The following NRG1 variants were observed in gnomAD, a reference collection of about 807,000 sequenced individuals.
The protein encoded by NRG1 is neuregulin 1.
Under a neutral mutation model 63.8 loss-of-function variants are expected in NRG1, and 18 were observed. The ratio of observed to expected loss-of-function variants is 0.28; its 90% CI spans 0.19 to 0.42. The LOEUF is 0.42. Ranked by LOEUF, NRG1 falls within the 10% of genes least tolerant of loss-of-function variation. The probability of loss-of-function intolerance (pLI) is 1.00; values close to 1 mark genes in which losing one functional copy is unlikely to be tolerated. For synonymous variants in NRG1, 302 were observed against 301.3 expected (o/e 1.00, Z -0.02); for missense variants, 762 against 814.7 (o/e 0.94, Z 0.79).
chr8:32,361,039 C>T (rs558480647), intron 1 of NRG1, among the ~76,000 whole-genome samples: 63 of 152,242 alleles, frequency 4.1e-4, no homozygotes, highest in African/African-American at 1.3e-3. Context: ...CTTGGCTGTC[C>T]GAACTTCAAT....
chr8:32,743,076 A>G (rs1826722156), intron 7 of NRG1: 15 of 1,093,202 alleles, frequency 1.4e-5, no homozygotes, highest in Non-Finnish European at 1.5e-5. Context: ...TAAAATAAAA[A>G]TCATTCTACT....
chr8:32,082,590 A>G (rs1827638115), intron 1 of NRG1, among the ~76,000 whole-genome samples: 1 of 152,164 alleles, frequency 6.6e-6, no homozygotes, highest in Admixed American at 6.6e-5. Context: ...GTTCAAGAAC[A>G]ACAGAAGAGT....
chr8:32,391,162 A>G (rs531971738), intron 1 of NRG1, among the ~76,000 whole-genome samples: 1 of 152,008 alleles, frequency 6.6e-6, no homozygotes, highest in Non-Finnish European at 1.5e-5. Context: ...ACAGGGTCTC[A>G]CTTTGTTGCC....
chr8:32,267,763 G>A (rs1171978945), intron 1 of NRG1, among the ~76,000 whole-genome samples: 1 of 152,072 alleles, frequency 6.6e-6, no homozygotes, highest in Non-Finnish European at 1.5e-5. Flanking sequence ...CTCCTAAAAT[G>A]GAGCTGATGT....
In NRG1 at chr8:32,329,261, G is replaced by A. The variant is rs942324095; in HGVS notation, c.38-266567G>A. On this transcript the variant is annotated intron_variant, in intron 1 of 10. Transcript: ENST00000519301. ...TGGGATTACAGGTGTGAGCCACTGCGCCCAGCTGACATCTACAGATTATCA... is the reference window on the plus strand; with the variant it reads ...TGGGATTACAGGTGTGAGCCACTGCACCCAGCTGACATCTACAGATTATCA... Among the ~76,000 whole-genome samples the A allele has an allele frequency of 5.3e-5, 8 of 152,052 alleles. No homozygotes were observed. In the South Asian group the frequency reaches 6.2e-4, roughly 12 times the overall value.
At chr8:31,894,295 G>A (rs897254617) in intron 1 of NRG1, among the ~76,000 whole-genome samples, 1 of 152,008 alleles carries the variant, frequency 6.6e-6, no homozygotes, top group African/African-American at 2.4e-5. Context: ...TCTTAATAAC[G>A]GTGAAAGTCA....
intron 1 of NRG1, among the ~76,000 whole-genome samples, chr8:31,973,899 A>T (rs1807719801): frequency 6.6e-6 from 1 of 152,194 alleles, no homozygotes. Flanking sequence ...AAGCTATGAA[A>T]GAGCTTTGAA....
At chr8:32,574,341 T>C (rs2919373) in intron 1 of NRG1, among the ~76,000 whole-genome samples, 113,814 of 151,922 alleles carry the variant, frequency 0.75, 43,212 homozygotes, top group East Asian at 0.88. Flanking sequence ...TTCAAAAGGC[T>C]TTTAATAAAC....
intron 1 of NRG1, among the ~76,000 whole-genome samples, chr8:32,100,126 C>T (rs1563786244): frequency 6.6e-6 from 1 of 152,032 alleles, no homozygotes; most frequent in African/African-American, 2.4e-5. Context: ...CTCTTTTCCT[C>T]CTTCCCTCTG....
At chr8:32,214,745 GAAAAC>G in intron 1 of NRG1, among the ~76,000 whole-genome samples, 1 of 152,206 alleles carries the variant, frequency 6.6e-6, no homozygotes, top group Non-Finnish European at 1.5e-5. Context: ...TTCAATTAAA[GAAAAC>G]AAAACAAACC....
intron 1 of NRG1, among the ~76,000 whole-genome samples, chr8:32,413,362 C>T (rs1246521277): frequency 6.6e-6 from 1 of 152,112 alleles, no homozygotes; most frequent in African/African-American, 2.4e-5. Flanking sequence ...AGGCCTGTTA[C>T]AAGCCTGAGG....
At chr8:31,795,556 A>G (rs1821123203) in intron 1 of NRG1, among the ~76,000 whole-genome samples, 1 of 152,200 alleles carries the variant, frequency 6.6e-6, no homozygotes, top group Non-Finnish European at 1.5e-5. Context: ...ACCTTCAAAC[A>G]TTTTAAAACC....
At chr8:32,358,808 A>G (rs1563356921) in intron 1 of NRG1, among the ~76,000 whole-genome samples, 1 of 152,172 alleles carries the variant, frequency 6.6e-6, no homozygotes. Flanking sequence ...GAGAGGGCCA[A>G]AGACAGAACC....
At chr8:31,843,140 T>C (rs1826353185) in intron 1 of NRG1, among the ~76,000 whole-genome samples, 1 of 152,152 alleles carries the variant, frequency 6.6e-6, no homozygotes, top group Non-Finnish European at 1.5e-5. Flanking sequence ...ACCTTTTATA[T>C]TGAATTTCAG....
rs138670503 is a variant in NRG1, at chr8:32,049,775, A to T, written c.37+410344A>T. Among the ~76,000 whole-genome samples the T allele has an allele frequency of 6.8e-3, 1,042 of 152,262 alleles. 8 individuals carry two copies. Among genetic ancestry groups the T allele is most frequent in the Non-Finnish European group, 0.011 (729 of 68,012 alleles). ...AATGAAAGGGAAGATGATGATTTTCAATGTAGGTCATGGCCTGAAGTGGAG... is the reference window on the plus strand; with the variant it reads ...AATGAAAGGGAAGATGATGATTTTCTATGTAGGTCATGGCCTGAAGTGGAG... On this transcript the variant is annotated intron_variant, in intron 1 of 10. Coordinates refer to the NRG1 transcript ENST00000519301.
chr8:31,796,412 A>ATTT (rs1273292685), intron 1 of NRG1, among the ~76,000 whole-genome samples: 1 of 92,640 alleles, frequency 1.1e-5, no homozygotes, highest in Non-Finnish European at 2.2e-5. Context: ...ATGGCGTATA[A>ATTT]TCTTTTTTTT....
intron 1 of NRG1, among the ~76,000 whole-genome samples, chr8:32,006,706 G>A (rs536765051): frequency 6.6e-6 from 1 of 152,120 alleles, no homozygotes; most frequent in South Asian, 2.1e-4. Context: ...GGAACCTGGA[G>A]CTCAGACCTA....
At chr8:32,676,751 G>A (rs1807226128) in intron 5 of NRG1, among the ~76,000 whole-genome samples, 1 of 152,094 alleles carries the variant, frequency 6.6e-6, no homozygotes, top group Non-Finnish European at 1.5e-5. Context: ...TCTAGTATTC[G>A]TAGTCAGTGC....
At chr8:31,758,176 A>G (rs1321505676) in intron 1 of NRG1, among the ~76,000 whole-genome samples, 1 of 152,080 alleles carries the variant, frequency 6.6e-6, no homozygotes, top group Non-Finnish European at 1.5e-5. Context: ...TGTCAACTAC[A>G]TTAGGTGTTT....
Sources: gnomAD v4.1 joint callset for allele counts (sites outside exome capture counted in the v4.1 genomes callset) on GRCh38, gnomAD v4.1.1 for gene constraint, MANE v1.5 for transcripts, NCBI Gene and HGNC (gene_info 2026-07-23, HGNC 2026-07-21) for gene names.